The following MDGA2 variants were observed in gnomAD, a reference collection of about 807,000 sequenced individuals.
The protein encoded by MDGA2 is MAM domain containing glycosylphosphatidylinositol anchor 2, also known as MAM domain-containing glycosylphosphatidylinositol anchor protein 2.
Under a neutral mutation model 117.8 loss-of-function variants are expected in MDGA2, and 40 were observed. The ratio of observed to expected loss-of-function variants is 0.34; its 90% CI spans 0.26 to 0.44. MDGA2 has a LOEUF of 0.44. Ranked by LOEUF, MDGA2 falls within the 20% of genes least tolerant of loss-of-function variation. The pLI, the probability that MDGA2 is intolerant of heterozygous loss-of-function variation, is 1.00. For synonymous variants in MDGA2, 452 were observed against 439.0 expected, an observed-to-expected ratio of 1.03 and a Z score of -0.37; for missense variants, 1,123 against 1,250.6, an observed-to-expected ratio of 0.90 and a Z score of 1.54.
chr14:47,200,537 T>TC (rs1358308301), intron 3 of MDGA2: 4 of 525,754 alleles, frequency 7.6e-6, no homozygotes, highest in Non-Finnish European at 1.2e-5. Flanking sequence ...TTCTTTTCTT[T>TC]TTTTTTTTTT....
intron 15 of MDGA2, among the ~76,000 whole-genome samples, chr14:46,846,547 G>A (rs1880848219): frequency 6.6e-6 from 1 of 152,056 alleles, no homozygotes; most frequent in Non-Finnish European, 1.5e-5. Flanking sequence ...CTGAGGCTCA[G>A]TGCATGAATA....
intron 2 of MDGA2, among the ~76,000 whole-genome samples, chr14:47,238,663 A>G (rs1424366583): frequency 1.3e-5 from 2 of 151,792 alleles, no homozygotes. Context: ...ATGTTCCCAG[A>G]CGGGCATTTA....
intron 10 of MDGA2, among the ~76,000 whole-genome samples, chr14:46,898,824 C>A (rs1252602660): frequency 6.6e-6 from 1 of 151,938 alleles, no homozygotes; most frequent in East Asian, 1.9e-4. Context: ...CAAAGGGTGT[C>A]AATCTTTTTA....
intron 1 of MDGA2, among the ~76,000 whole-genome samples, chr14:47,368,995 A>G (rs1891288243): frequency 6.6e-6 from 1 of 152,194 alleles, no homozygotes; most frequent in South Asian, 2.1e-4. Flanking sequence ...TATAAAATGC[A>G]GAACAATTTT....
At position 47,498,077 on chromosome 14, in the gene MDGA2, T is replaced by C. The variant is rs562667086; in HGVS notation, c.280+176440A>G. ...AAGGATTAGGTATAATACTCTATTT[T>C]GGGTACTTTTTCTGAAAGTTAAGTA... On this transcript the variant is annotated intron_variant, in intron 1 of 16. Coordinates refer to ENST00000399232, the MANE Select transcript of MDGA2 (RefSeq NM_001113498.3). 1.2e-4 allele frequency among the ~76,000 whole-genome samples: 18 copies of C among 152,296 alleles called. No homozygotes were observed. In the South Asian group the frequency reaches 2.5e-3, roughly 21 times the overall value.
intron 2 of MDGA2, among the ~76,000 whole-genome samples, chr14:47,269,855 T>G (rs1751821992): frequency 6.6e-6 from 1 of 152,166 alleles, no homozygotes; most frequent in Non-Finnish European, 1.5e-5. Context: ...TCTTTCAACA[T>G]ATGACAAAAG....
At chr14:47,385,384 T>C (rs1455605115) in intron 1 of MDGA2, among the ~76,000 whole-genome samples, 1 of 151,958 alleles carries the variant, frequency 6.6e-6, no homozygotes, top group Admixed American at 6.6e-5. Flanking sequence ...AAATATGTGA[T>C]AAATATAATT....
At chr14:47,094,904 AG>A (rs1411065473) in intron 6 of MDGA2, among the ~76,000 whole-genome samples, 6 of 152,038 alleles carry the variant, frequency 3.9e-5, no homozygotes, top group African/African-American at 1.4e-4. Flanking sequence ...CACTGACACA[AG>A]GCTTAAAATG....
At chr14:47,657,754 T>C (rs1489872907) in intron 1 of MDGA2, among the ~76,000 whole-genome samples, 1 of 152,198 alleles carries the variant, frequency 6.6e-6, no homozygotes, top group Non-Finnish European at 1.5e-5. Flanking sequence ...GCTGCAATGA[T>C]AATGGAATTT....
At chr14:46,848,674 A>C (rs1483810098) in intron 15 of MDGA2, among the ~76,000 whole-genome samples, 1 of 151,042 alleles carries the variant, frequency 6.6e-6, no homozygotes, top group African/African-American at 2.4e-5. Context: ...GTCCCAGAGC[A>C]GTGAAATTGT....
chr14:47,173,986 T>A (rs1044811009), intron 3 of MDGA2, among the ~76,000 whole-genome samples: 6 of 152,004 alleles, frequency 3.9e-5, no homozygotes, highest in Non-Finnish European at 8.8e-5. Flanking sequence ...AAAAAAGGCA[T>A]GGGTTGCAAT....
At chr14:47,618,585 A>AT in intron 1 of MDGA2, among the ~76,000 whole-genome samples, 1 of 152,122 alleles carries the variant, frequency 6.6e-6, no homozygotes, top group Non-Finnish European at 1.5e-5. Context: ...TATGTCGCTC[A>AT]TTTTTGCAAT....
At chr14:47,437,818 G>C (rs183591463) in intron 1 of MDGA2, among the ~76,000 whole-genome samples, 1 of 152,286 alleles carries the variant, frequency 6.6e-6, no homozygotes, top group South Asian at 2.1e-4. Flanking sequence ...CATATCCACT[G>C]TAGGAGTAAT....
chr14:47,102,099 A>C (rs1880356226), intron 5 of MDGA2, among the ~76,000 whole-genome samples: 1 of 152,130 alleles, frequency 6.6e-6, no homozygotes, highest in Non-Finnish European at 1.5e-5. Context: ...TAAAATCTGA[A>C]AGCAGGATAC....
chr14:47,050,313 C>T (rs1483890037), intron 7 of MDGA2, among the ~76,000 whole-genome samples: 1 of 151,940 alleles, frequency 6.6e-6, no homozygotes, highest in Non-Finnish European at 1.5e-5. Flanking sequence ...TGTCCTGAGG[C>T]GTCAGTGAAA....
chr14:47,125,386 C>T (rs113423334), intron 5 of MDGA2, among the ~76,000 whole-genome samples: 1 of 152,056 alleles, frequency 6.6e-6, no homozygotes, highest in African/African-American at 2.4e-5. Flanking sequence ...AGAGAACTAT[C>T]ATGAATAGAT....
At position 47,216,681 on chromosome 14, in the gene MDGA2, C is replaced by G. The variant is rs185820213; in HGVS notation, c.595+1340G>C. On this transcript the variant is annotated intron_variant, in intron 3 of 16. Transcript: ENST00000399232. ...ACCTAAACTACAATAACTAAAACAG[C>G]AGAAGGATGTACTCTACACTATTAT... Among the ~76,000 whole-genome samples the G allele has an allele frequency of 5.5e-3, 842 of 152,066 alleles. 7 individuals carry two copies. Among genetic ancestry groups the G allele is most frequent in the African/African-American group, 0.019 (801 of 41,508 alleles).
rs1295188038 is a variant in MDGA2 at position 47,201,053 on chromosome 14, G to A, written c.595+16968C>T. 1.1e-5 allele frequency: 13 copies of A among 1,140,070 alleles called. 1 individual carries two copies. Among genetic ancestry groups the A allele is most frequent in the South Asian group, 2.4e-5 (2 of 81,770 alleles). The allele number at this position is 1,140,070 out of a possible 1,614,324, so 70.6% of individuals were successfully genotyped here. A position where few individuals can be genotyped will look rare whatever the true frequency, so the allele number is the denominator to read the frequency against. ...TGTTTAGCCACAATGGCCGCCAGGC[G>A]GCCCAGGAGATGGCCTCGACCATCA... On this transcript the variant is annotated intron_variant, in intron 3 of 16. Coordinates refer to ENST00000399232, the MANE Select transcript of MDGA2 (RefSeq NM_001113498.3).
At chr14:47,171,760 T>C (rs1884147892) in intron 3 of MDGA2, among the ~76,000 whole-genome samples, 1 of 152,180 alleles carries the variant, frequency 6.6e-6, no homozygotes, top group Non-Finnish European at 1.5e-5. Context: ...TGAGGTATTG[T>C]GTTCATCTCA....
Sources: gnomAD v4.1 joint callset for allele counts (sites outside exome capture counted in the v4.1 genomes callset) on GRCh38, gnomAD v4.1.1 for gene constraint, MANE v1.5 for transcripts, NCBI Gene and HGNC (gene_info 2026-07-23, HGNC 2026-07-21) for gene names.